Variants in FBLN2 observed in about 807,000 individuals in gnomAD.
FBLN2 encodes fibulin-2.
In FBLN2, 81 loss-of-function variants were observed where a neutral mutation model predicts 123.7. The observed-to-expected ratio is 0.65, with a 90% CI of 0.55 to 0.79. The LOEUF (loss-of-function observed/expected upper bound fraction) is 0.79. Ranked by LOEUF, FBLN2 falls within the 30% of genes least tolerant of loss-of-function variation. The pLI, the probability that FBLN2 is intolerant of heterozygous loss-of-function variation, is 0.00. For missense variants in FBLN2, 1,603 were observed against 1,681.3 expected (o/e 0.95, Z 0.81); for synonymous variants, 699 against 701.4 (o/e 1.00, Z 0.05).
At chr3:13,595,000 C>T (rs1368030697) in intron 2 of FBLN2, among the ~76,000 whole-genome samples, 4 of 152,324 alleles carry the variant, frequency 2.6e-5, no homozygotes, top group East Asian at 1.9e-4. Flanking sequence ...TGAGATCCTG[C>T]GGCTGCCCCG....
At chr3:13,573,579 C>G (rs1311802661) in intron 2 of FBLN2, among the ~76,000 whole-genome samples, 1 of 152,130 alleles carries the variant, frequency 6.6e-6, no homozygotes. Flanking sequence ...CTTACCGGCT[C>G]CTGTGCACAT....
chr3:13,618,093 G>A lies in FBLN2; in HGVS notation c.1747G>A (p.Ala583Thr), dbSNP rs1389335148. 1 of 1,613,236 alleles carries A rather than the reference G, an allele frequency of 6.2e-7. No homozygotes were observed. Among genetic ancestry groups the A allele is most frequent in the East Asian group, 2.2e-5 (1 of 44,868 alleles). Residue 583 changes from alanine (A) to threonine (T), a missense_variant, in exon 6 of 18, where the codon GCG (alanine) becomes ACG (threonine). Ala to Thr is a moderately conservative substitution (Grantham distance 58). Coordinates refer to ENST00000404922, the MANE Select transcript of FBLN2 (RefSeq NM_001004019.2). ...TGTCCTAGTTTCAGAGGCAGAGATG[G>A]CGGGCCGAGAGGCCCTGTCACTGGG... Reference protein sequence around the residue: ...APRRVSEAEMAGREALSLGTE... With the variant: ...APRRVSEAEMTGREALSLGTE...
chr3:13,573,894 CAAAAA>C (rs34768387), intron 2 of FBLN2, among the ~76,000 whole-genome samples: 5 of 72,920 alleles, frequency 6.9e-5, no homozygotes, highest in South Asian at 4.8e-4. Flanking sequence ...GAGTGAAACT[CAAAAA>C]AAAAAAAAAA....
chr3:13,631,198 C>G (rs1479317140), intron 15 of FBLN2, 131 bp from the exon 16 acceptor site: 1 of 1,179,678 alleles, frequency 8.5e-7, no homozygotes, highest in Non-Finnish European at 1.2e-6. Flanking sequence ...CTTCTACTCT[C>G]TCAGTCCACT....
intron 1 of FBLN2, among the ~76,000 whole-genome samples, chr3:13,567,626 G>A (rs528584808): frequency 1.3e-5 from 2 of 152,278 alleles, no homozygotes; most frequent in Non-Finnish European, 2.9e-5. Flanking sequence ...CCAAAGTGCT[G>A]GGATTACAGG....
At chr3:13,636,331 G>A in intron 16 of FBLN2, 114 bp from the exon 17 acceptor site, 1 of 1,313,626 alleles carries the variant, frequency 7.6e-7, no homozygotes, top group East Asian at 2.5e-5. Context: ...AGGCACGCGG[G>A]CTATTCTCAC....
At chr3:13,622,016 G>A (rs1277970516) in intron 9 of FBLN2, 101 bp downstream of exon 9, 7 of 1,359,708 alleles carry the variant, frequency 5.1e-6, no homozygotes, top group Non-Finnish European at 2.0e-6. Context: ...CCTGCCCTTT[G>A]CATGTGAGCT....
intron 13 of FBLN2, 90 bp from the exon 14 acceptor site, chr3:13,629,730 G>A: frequency 6.8e-7 from 1 of 1,477,844 alleles, no homozygotes; most frequent in Non-Finnish European, 9.0e-7. Flanking sequence ...CTCCCACTTA[G>A]CCTCCCCTTC....
intron 1 of FBLN2, among the ~76,000 whole-genome samples, chr3:13,554,668 G>A (rs1322606577): frequency 6.6e-6 from 1 of 151,362 alleles, no homozygotes; most frequent in African/African-American, 2.4e-5. Flanking sequence ...CTGCATGGCT[G>A]TGGAAACAAA....
At chr3:13,618,880 C>G (rs1167185200) in intron 6 of FBLN2, 24 bp from the exon 7 acceptor site, 1 of 1,588,450 alleles carries the variant, frequency 6.3e-7, no homozygotes, top group South Asian at 1.1e-5. Context: ...CCCTGCAACC[C>G]CCACTCTGCT....
chr3:13,616,632 T>C (rs763978484), intron 5 of FBLN2, among the ~76,000 whole-genome samples: 2 of 152,192 alleles, frequency 1.3e-5, no homozygotes, highest in Non-Finnish European at 2.9e-5. Flanking sequence ...ACTCTCTCTG[T>C]GGGCTCTGCT....
intron 4 of FBLN2, among the ~76,000 whole-genome samples, chr3:13,612,614 C>T (rs1409085483): frequency 7.9e-6 from 1 of 126,596 alleles, no homozygotes; most frequent in African/African-American, 5.2e-5. Flanking sequence ...ATCTCCTGAC[C>T]TCGTGATCCA....
intron 1 of FBLN2, among the ~76,000 whole-genome samples, chr3:13,565,512 G>A (rs1276760273): frequency 6.6e-6 from 1 of 152,252 alleles, no homozygotes; most frequent in Non-Finnish European, 1.5e-5. Context: ...TGTGATCCCA[G>A]CACTTTGGGA....
rs765184596 is a variant in FBLN2, at chr3:13,571,338, C to T, written c.983C>T (p.Ala328Val). Residue 328 changes from alanine to valine, a missense_variant, in exon 2 of 18, where the codon GCA becomes GTA. Transcript: ENST00000404922. ...PIQEERAEAG[A>V]RAEAGARPEE... ...CAGGAGGAGAGGGCAGAAGCTGGGG[C>T]AAGGGCAGAAGCTGGGGCAAGGCCT... is the stretch of plus-strand genomic sequence containing the variant. The T allele has an allele frequency of 6.2e-7, 1 of 1,609,092 alleles. No homozygotes were observed. The highest frequency in any genetic ancestry group is 8.5e-7 in the Non-Finnish European group (1 of 1,178,110).
Position 13,638,096 on chromosome 3 carries a change from G to A in FBLN2, c.*177G>A. 1 of 694,366 alleles carries A rather than the reference G, an allele frequency of 1.4e-6. No homozygotes were observed. Among genetic ancestry groups the A allele is most frequent in the Non-Finnish European group, 2.5e-6 (1 of 407,058 alleles). The allele number at this position is 694,366 out of a possible 1,614,324, so 43.0% of individuals were successfully genotyped here. On this transcript the variant is annotated 3_prime_UTR_variant, in exon 18 of 18. Coordinates refer to ENST00000404922, the MANE Select transcript of FBLN2 (RefSeq NM_001004019.2). Reference sequence around the variant, plus strand: ...CCCCGCAGGAGGAAGTTCCACGGCAGGTGGTGCGTTCCCACGCAGGCACCA... The same window carrying A: ...CCCCGCAGGAGGAAGTTCCACGGCAAGTGGTGCGTTCCCACGCAGGCACCA...
intron 17 of FBLN2, among the ~76,000 whole-genome samples, chr3:13,637,116 C>T (rs1706501096): frequency 6.6e-6 from 1 of 152,218 alleles, no homozygotes; most frequent in South Asian, 2.1e-4. Context: ...CTCACTTAAC[C>T]TCAGAACTGA....
chr3:13,617,614 T>TCCATCCAC (rs1559421327), intron 5 of FBLN2, among the ~76,000 whole-genome samples: 4 of 105,716 alleles, frequency 3.8e-5, no homozygotes, highest in Non-Finnish European at 7.5e-5. Flanking sequence ...CATCCATCCA[T>TCCATCCAC]CCATCCACCC....
intron 2 of FBLN2, among the ~76,000 whole-genome samples, chr3:13,600,548 C>T (rs1336861478): frequency 4.6e-5 from 7 of 151,846 alleles, no homozygotes; most frequent in African/African-American, 1.7e-4. Flanking sequence ...CATGGGGACG[C>T]TCAGGCCTGG....
rs890131543 is a variant in FBLN2 at position 13,570,900 on chromosome 3, C to T, written c.545C>T (p.Ser182Leu). The change falls in exon 2 of 18, where the codon TCA becomes TTA. Residue 182 changes from serine to leucine, a missense_variant. By Grantham distance (145) the Ser-to-Leu change is moderately radical (BLOSUM62 -2). Coordinates refer to ENST00000404922, the MANE Select transcript of FBLN2 (RefSeq NM_001004019.2). The part of the protein sequence containing the change: ...YQLPGCHGNF[S>L]DAEEGDPERH... ...CTCCCCGGTTGCCACGGGAACTTCT[C>T]AGATGCCGAGGAGGGTGACCCCGAG... is the stretch of plus-strand genomic sequence containing the variant. 2 of 1,612,552 alleles carry T rather than the reference C, an allele frequency of 1.2e-6. No individual in the cohort carries two copies. The highest frequency in any genetic ancestry group is 2.7e-5 in the African/African-American group (2 of 74,924).
Sources: allele counts gnomAD v4.1 joint callset (sites outside exome capture counted in the v4.1 genomes callset), GRCh38; gene constraint gnomAD v4.1.1; transcripts MANE v1.5; gene names NCBI Gene and HGNC (gene_info 2026-07-23, HGNC 2026-07-21).